The following CACNA1H variants were observed in gnomAD, a reference collection of about 807,000 sequenced individuals.
CACNA1H encodes calcium voltage-gated channel subunit alpha1 H, also known as voltage-dependent T-type calcium channel subunit alpha-1H.
A neutral mutation model predicts 192.5 loss-of-function variants in CACNA1H; 149 were observed. The ratio of observed to expected loss-of-function variants is 0.77; its 90% confidence interval spans 0.68 to 0.89. The LOEUF (loss-of-function observed/expected upper bound fraction) is 0.89, where lower values mean the gene tolerates loss of function less well. Among genes scored for constraint, CACNA1H ranks in the 40% least tolerant of loss-of-function variants. CACNA1H has a pLI of 0.00. For synonymous variants in CACNA1H, 2,202 were observed against 1,475.2 expected (o/e 1.49, Z -11.29); for missense variants, 4,257 against 3,423.5 (o/e 1.24, Z -6.08).
intron 2 of CACNA1H, chr16:1,156,835 C>T (rs965783013): frequency 2.0e-5 from 3 of 152,180 alleles, no homozygotes; most frequent in African/African-American, 2.4e-5. Flanking sequence ...TCCTGAACCC[C>T]GGGGTAGACG....
In CACNA1H at chr16:1,155,779, C is replaced by T. The variant is rs995568221; in HGVS notation, c.299+1743C>T. ...TCAGGACTTCCAAGGAGGTTGTTTG[C>T]GTTGCTGTGTGCAGGGAAGGTGTTG... On this transcript the variant is annotated intron_variant, in intron 2 of 34. Transcript: ENST00000348261. 3.9e-5 allele frequency among the ~76,000 whole-genome samples: 6 copies of T among 152,122 alleles called. No homozygotes were observed. In the East Asian group the frequency reaches 5.8e-4, roughly 15 times the overall value.
At chr16:1,166,084 G>C (rs17135186) in intron 2 of CACNA1H, among the ~76,000 whole-genome samples, 1 of 152,210 alleles carries the variant, frequency 6.6e-6, no homozygotes, top group South Asian at 2.1e-4. Flanking sequence ...GAGAGCTGAC[G>C]CCGAGATTTC....
chr16:1,154,118 G>C (rs1039133104), intron 2 of CACNA1H, 82 bp downstream of exon 2: 38 of 1,059,332 alleles, frequency 3.6e-5, no homozygotes, highest in Admixed American at 4.5e-5. Context: ...CCCTCGGCAT[G>C]CGCCCCCGCG....
chr16:1,177,410 C>T (rs545374023), intron 2 of CACNA1H, among the ~76,000 whole-genome samples: 4 of 152,336 alleles, frequency 2.6e-5, no homozygotes, highest in East Asian at 1.9e-4. Context: ...GGCGTCTGAC[C>T]GAGGCCCACC....
At chr16:1,208,301 G>A in intron 16 of CACNA1H, 80 bp downstream of exon 16, 3 of 986,304 alleles carry the variant, frequency 3.0e-6, no homozygotes, top group Admixed American at 2.2e-5. Context: ...CCCTGAAGAT[G>A]AGTGAGGGCC....
intron 9 of CACNA1H, 128 bp downstream of exon 9, chr16:1,202,580 A>T (rs1200347211): frequency 8.3e-6 from 7 of 842,346 alleles, no homozygotes; most frequent in Non-Finnish European, 1.1e-5. Flanking sequence ...TGTGAAACAG[A>T]CCAGCTATGC....
At chr16:1,175,792 G>A (rs1023237095) in intron 2 of CACNA1H, among the ~76,000 whole-genome samples, 7 of 152,210 alleles carry the variant, frequency 4.6e-5, no homozygotes, top group Admixed American at 6.5e-5. Flanking sequence ...GGCAGTGGGC[G>A]TTGCAGGCCG....
At chr16:1,215,110 T>C in intron 28 of CACNA1H, 29 bp downstream of exon 28, 1 of 1,595,876 alleles carries the variant, frequency 6.3e-7, no homozygotes. Context: ...TCTTGGGTTC[T>C]GGGGGCCCCT....
intron 12 of CACNA1H, 74 bp from the exon 13 acceptor site, chr16:1,206,905 CCCCTCCCTCCTCCCACCCCCCT>C: frequency 4.5e-6 from 1 of 220,944 alleles, no homozygotes; most frequent in Non-Finnish European, 9.1e-6. Context: ...GCCAGTCCTG[CCCCTCCCTCCTCCCACCCCCCT>C]CCCGCTCCCC....
chr16:1,188,831 C>T (rs1966318398), intron 2 of CACNA1H, among the ~76,000 whole-genome samples: 1 of 152,220 alleles, frequency 6.6e-6, no homozygotes, highest in African/African-American at 2.4e-5. Flanking sequence ...CCCGGCCCTC[C>T]CAGCCCTGGT....
chr16:1,215,065 C>G lies in CACNA1H; in HGVS notation c.5023C>G (p.Arg1675Gly), dbSNP rs760740366. The change falls in exon 28 of 35, where the codon CGG (arginine) becomes GGG (glycine). Residue 1675 changes from arginine (R) to glycine (G), a missense_variant. Arg to Gly is a moderately radical substitution (Grantham distance 125, BLOSUM62 -2). Transcript: ENST00000348261. ...GAAGCTGGTAGCATTTGGGTTCCGT[C>G]GGTTCTTCAAGGACAGGTGTGTGTG... ...ALKLVAFGFR[R>G]FFKDRWNQLD... 1 of 1,612,194 alleles carries G rather than the reference C, an allele frequency of 6.2e-7. No homozygotes were observed. The highest frequency in any genetic ancestry group is 2.2e-5 in the East Asian group (1 of 44,808).
Position 1,201,869 on chromosome 16 carries a change from G to A in CACNA1H, c.1419G>A (p.Arg473=), listed in dbSNP as rs962535550. 1 of 1,555,358 alleles carries A rather than the reference G, an allele frequency of 6.4e-7. No individual in the cohort carries two copies. Among genetic ancestry groups the A allele is most frequent in the Non-Finnish European group, 8.7e-7 (1 of 1,150,030 alleles). Residue 473 remains arginine, a synonymous_variant, in exon 9 of 35, where the codon CGG becomes CGA. Coordinates refer to ENST00000348261, the MANE Select transcript of CACNA1H (RefSeq NM_021098.3). ...GCCACATATTCCGCAAGGTCAAGCGGCGCAGCTTGCGCCTCTACGCCCGCT... is the reference window on the plus strand; with the variant it reads ...GCCACATATTCCGCAAGGTCAAGCGACGCAGCTTGCGCCTCTACGCCCGCT... ...YVGHIFRKVK[R]RSLRLYARWQ...
chr16:1,213,676 A>G (rs1969722821), intron 26 of CACNA1H, 104 bp from the exon 27 acceptor site: 5 of 840,724 alleles, frequency 5.9e-6, no homozygotes, highest in Non-Finnish European at 8.7e-6. Flanking sequence ...TGGGCCCCCA[A>G]CTTCTACCCT....
In CACNA1H at chr16:1,218,575, G is replaced by A. The variant is rs371745750; in HGVS notation, c.5811G>A (p.Val1937=). ...ACGACAGCTACATGTTCAGGCCCGT[G>A]GTGCCTGCCTCGGCGCCCCACCCCC... ...LPNDSYMFRP[V]VPASAPHPRP... The change falls in exon 33 of 35, where the codon GTG becomes GTA. Residue 1937 remains valine, a synonymous_variant. Coordinates refer to ENST00000348261, the MANE Select transcript of CACNA1H (RefSeq NM_021098.3). 8.0e-5 allele frequency: 126 copies of A among 1,565,356 alleles called. No homozygotes were observed. Among genetic ancestry groups the A allele is most frequent in the Non-Finnish European group, 8.1e-5 (94 of 1,155,384 alleles).
Position 1,153,148 on chromosome 16 carries a change from C to T in CACNA1H, c.-341C>T, listed in dbSNP as rs924678443. On this transcript the variant is annotated 5_prime_UTR_variant, in exon 1 of 35. Coordinates refer to ENST00000348261, the MANE Select transcript of CACNA1H (RefSeq NM_021098.3). Reference sequence around the variant, plus strand: ...GCCGCGCGCGGACGGGCTCGAGGCTCGCTCGCTGCCTCACCGGTCCCCGGC... The same window carrying T: ...GCCGCGCGCGGACGGGCTCGAGGCTTGCTCGCTGCCTCACCGGTCCCCGGC... 3 of 144,436 alleles carry T rather than the reference C, an allele frequency of 2.1e-5. No individual in the cohort carries two copies. The highest frequency in any genetic ancestry group is 2.5e-5 in the African/African-American group (1 of 40,152). 8.9% of individuals were successfully genotyped at this position (144,436 alleles called of 1,614,324 possible). A position where few individuals can be genotyped will look rare whatever the true frequency, so the allele number is the denominator to read the frequency against.
At chr16:1,182,411 G>A (rs1965566500) in intron 2 of CACNA1H, among the ~76,000 whole-genome samples, 2 of 152,180 alleles carry the variant, frequency 1.3e-5, no homozygotes, top group Non-Finnish European at 2.9e-5. Flanking sequence ...GTGGCCTGTG[G>A]TGGGTGTGGG....
intron 2 of CACNA1H, among the ~76,000 whole-genome samples, chr16:1,158,217 C>G (rs1368346071): frequency 6.6e-6 from 1 of 152,192 alleles, no homozygotes; most frequent in East Asian, 1.9e-4. Flanking sequence ...CACAGCTGAT[C>G]CTGCAAGGAA....
At chr16:1,184,808 G>A (rs1204005751) in intron 2 of CACNA1H, among the ~76,000 whole-genome samples, 1 of 152,274 alleles carries the variant, frequency 6.6e-6, no homozygotes, top group Non-Finnish European at 1.5e-5. Flanking sequence ...CGGGGCTCCA[G>A]CGAAGGGAAG....
In CACNA1H at chr16:1,154,051, C is replaced by A; in HGVS notation, c.299+15C>A. On this transcript the variant is annotated intron_variant, in intron 2 of 34. Transcript: ENST00000348261. ...GTCTGCAACCCATATCCTTCCCGGC[C>A]GGCGGGGGGCGGGGGGCGGGGGGCG... The A allele has an allele frequency of 3.0e-6, 2 of 661,420 alleles. No individual in the cohort carries two copies. Among genetic ancestry groups the A allele is most frequent in the South Asian group, 6.1e-5 (1 of 16,342 alleles). The allele number at this position is 661,420 out of a possible 1,614,324, so 41.0% of individuals were successfully genotyped here.
Sources: gnomAD v4.1 joint callset for allele counts (sites outside exome capture counted in the v4.1 genomes callset) on GRCh38, gnomAD v4.1.1 for gene constraint, MANE v1.5 for transcripts, NCBI Gene and HGNC (gene_info 2026-07-23, HGNC 2026-07-21) for gene names.